The following WDPCP variants were observed in gnomAD, a reference collection of about 807,000 sequenced individuals.
WDPCP encodes the protein WD repeat-containing and planar cell polarity effector protein fritz homolog.
Under a neutral mutation model 93.1 loss-of-function variants are expected in WDPCP, and 71 were observed. That is an observed-to-expected ratio of 0.76 (90% CI 0.63 to 0.93). WDPCP has a LOEUF of 0.93. Ranked by LOEUF, WDPCP falls within the 40% of genes least tolerant of loss-of-function variation. WDPCP has a pLI of 0.00. For synonymous variants in WDPCP, 315 were observed against 315.0 expected, an observed-to-expected ratio of 1.00 and a Z score of 0.00; for missense variants, 844 against 887.4, an observed-to-expected ratio of 0.95 and a Z score of 0.62.
chr2:63,323,928 A>AAAT (rs1687322207), intron 12 of WDPCP, among the ~76,000 whole-genome samples: 1 of 152,062 alleles, frequency 6.6e-6, no homozygotes, highest in African/African-American at 2.4e-5. Flanking sequence ...GGGAGAAACA[A>AAAT]AACAAACCAA....
Position 63,244,969 on chromosome 2 carries a change from A to C in WDPCP, c.1915+14338T>G, listed in dbSNP as rs75442719. On this transcript the variant is annotated intron_variant, in intron 14 of 17. Coordinates refer to ENST00000272321, the MANE Select transcript of WDPCP (RefSeq NM_015910.7). ...TGAGCATCCTCAATCCAAAAATCCA[A>C]AATCTGAAGTGATCCAAAACCTCAT... 3.5e-3 allele frequency among the ~76,000 whole-genome samples: 533 copies of C among 152,216 alleles called. 23 individuals are homozygous for C. In the East Asian group the frequency reaches 0.079, roughly 23 times the overall value.
At chr2:63,599,184 T>TA in intron 3 of WDPCP, 1 of 1,613,680 alleles carries the variant, frequency 6.2e-7, no homozygotes, top group Non-Finnish European at 8.5e-7. Context: ...TTGTTGTGGG[T>TA]AATCCAGCCA....
chr2:63,398,057 C>T lies in WDPCP; in HGVS notation c.1435+5991G>A, dbSNP rs182855170. ...GGATCCACAGAGCAAATAGTGGTGG[C>T]GCTAGTCTTGGACAAGAGGAAGGGA... On this transcript the variant is annotated intron_variant, in intron 10 of 17. Coordinates refer to ENST00000272321, the MANE Select transcript of WDPCP (RefSeq NM_015910.7). Among the ~76,000 whole-genome samples, 101 of 152,112 alleles carry T rather than the reference C, an allele frequency of 6.6e-4. 2 individuals carry two copies. Among genetic ancestry groups the T allele is most frequent in the Middle Eastern group, 6.8e-3 (2 of 294 alleles).
At chr2:63,447,181 G>C (rs1226177281) in intron 6 of WDPCP, among the ~76,000 whole-genome samples, 2 of 152,018 alleles carry the variant, frequency 1.3e-5, no homozygotes, top group Admixed American at 1.3e-4. Flanking sequence ...AAAAAAACAA[G>C]AGTAGTATGG....
intron 2 of WDPCP, among the ~76,000 whole-genome samples, chr2:63,713,981 G>C (rs989314086): frequency 2.0e-5 from 3 of 151,688 alleles, no homozygotes. Flanking sequence ...GTATATTTTG[G>C]TTCTGTCTGT....
chr2:63,345,556 A>G (rs1230865821), intron 12 of WDPCP, among the ~76,000 whole-genome samples: 1 of 152,202 alleles, frequency 6.6e-6, no homozygotes, highest in Non-Finnish European at 1.5e-5. Context: ...TCTCTCTGGT[A>G]GCTCACAGAG....
chr2:63,146,283 C>T (rs1671495319), intron 17 of WDPCP, among the ~76,000 whole-genome samples: 2 of 152,078 alleles, frequency 1.3e-5, no homozygotes, highest in East Asian at 3.9e-4. Flanking sequence ...TGTCTTGTGT[C>T]AGTTTTCTAG....
chr2:63,341,832 T>C (rs1688861439), intron 12 of WDPCP, among the ~76,000 whole-genome samples: 1 of 152,230 alleles, frequency 6.6e-6, no homozygotes, highest in Non-Finnish European at 1.5e-5. Context: ...TCTTATTTTA[T>C]TTGTTATTAG....
intron 2 of WDPCP, among the ~76,000 whole-genome samples, chr2:63,490,977 T>C (rs1700841419): frequency 6.6e-6 from 1 of 152,188 alleles, no homozygotes; most frequent in Admixed American, 6.5e-5. Flanking sequence ...GCAATTATGA[T>C]TAAAGAAGAA....
intron 1 of WDPCP, among the ~76,000 whole-genome samples, chr2:63,586,958 T>C (rs1438740374): frequency 6.6e-6 from 1 of 152,268 alleles, no homozygotes; most frequent in Non-Finnish European, 1.5e-5. Context: ...ATACATGCCA[T>C]GTTGGTGTAC....
intron 12 of WDPCP, among the ~76,000 whole-genome samples, chr2:63,328,659 A>G (rs915465137): frequency 6.6e-6 from 1 of 152,194 alleles, no homozygotes; most frequent in East Asian, 1.9e-4. Flanking sequence ...CACCAATTCC[A>G]GACACATTAC....
intron 3 of WDPCP, among the ~76,000 whole-genome samples, chr2:63,602,654 A>C (rs1302878619): frequency 2.6e-5 from 4 of 152,006 alleles, no homozygotes; most frequent in Admixed American, 1.3e-4. Flanking sequence ...TTTCTTCATC[A>C]CTCACAAAAG....
intron 2 of WDPCP, among the ~76,000 whole-genome samples, chr2:63,679,365 A>C (rs1710462239): frequency 6.6e-6 from 1 of 152,118 alleles, no homozygotes; most frequent in Non-Finnish European, 1.5e-5. Context: ...CTACACTATG[A>C]ACATGACACA....
At chr2:63,212,265 T>G (rs1391046792) in intron 14 of WDPCP, among the ~76,000 whole-genome samples, 2 of 152,124 alleles carry the variant, frequency 1.3e-5, no homozygotes, top group Non-Finnish European at 2.9e-5. Flanking sequence ...TAACAGCAGA[T>G]CTCTTCACAG....
At chr2:63,746,094 G>A (rs970544724) in intron 2 of WDPCP, among the ~76,000 whole-genome samples, 2 of 152,172 alleles carry the variant, frequency 1.3e-5, no homozygotes, top group East Asian at 3.8e-4. Context: ...GGGACTGGCT[G>A]AAGCCATGGC....
intron 3 of WDPCP, chr2:63,595,330 A>G (rs1709286562): frequency 2.5e-6 from 2 of 790,186 alleles, no homozygotes; most frequent in Non-Finnish European, 2.3e-6. Flanking sequence ...AATTACATGC[A>G]TGTACATACC....
intron 6 of WDPCP, among the ~76,000 whole-genome samples, chr2:63,479,675 G>T (rs1030524399): frequency 2.0e-5 from 3 of 152,094 alleles, no homozygotes; most frequent in Admixed American, 6.6e-5. Context: ...TGTAATAAAA[G>T]CCATCTATGA....
chr2:63,269,259 C>T (rs1228999277), intron 13 of WDPCP, among the ~76,000 whole-genome samples: 1 of 152,302 alleles, frequency 6.6e-6, no homozygotes, highest in East Asian at 1.9e-4. Context: ...ATGAATACCA[C>T]TTAGTTTCTG....
the WDPCP span, among the ~76,000 whole-genome samples, chr2:63,840,321 C>G: frequency 6.6e-6 from 1 of 152,240 alleles, no homozygotes; most frequent in Non-Finnish European, 1.5e-5. Flanking sequence ...CATCCTCTTT[C>G]CTTGAGGACT....
Sources: gnomAD v4.1 joint callset for allele counts (sites outside exome capture counted in the v4.1 genomes callset) on GRCh38, gnomAD v4.1.1 for gene constraint, MANE v1.5 for transcripts, NCBI Gene and HGNC (gene_info 2026-07-23, HGNC 2026-07-21) for gene names.